TASP1: variants seen among roughly 807,000 people sequenced by gnomAD.
The protein encoded by TASP1 is taspase 1.
Under a neutral mutation model 56.6 loss-of-function variants are expected in TASP1, and 16 were observed. The ratio of observed to expected loss-of-function variants is 0.28; its 90% CI spans 0.19 to 0.43. The LOEUF is 0.43. Ranked by LOEUF, TASP1 falls within the 20% of genes least tolerant of loss-of-function variation. TASP1 has a pLI of 1.00. For synonymous variants in TASP1, 179 were observed against 184.2 expected (o/e 0.97, Z 0.23); for missense variants, 393 against 511.6 (o/e 0.77, Z 2.24).
the TASP1 span, among the ~76,000 whole-genome samples, chr20:13,190,791 G>A: frequency 6.6e-6 from 1 of 152,100 alleles, no homozygotes; most frequent in Non-Finnish European, 1.5e-5. Context: ...ACAGGGTGAA[G>A]CTACAACCTA....
At chr20:13,306,564 C>CAAAAAAAAAAAAAAAAAAAAAAAAAAAAA in the TASP1 span, among the ~76,000 whole-genome samples, 9 of 63,906 alleles carry the variant, frequency 1.4e-4, no homozygotes, top group East Asian at 5.3e-4. Flanking sequence ...GGAGAAAGGA[C>CAAAAAAAAAAAAAAAAAAAAAAAAAAAAA]AAAAAAAAAA....
rs2041372413 is a variant in TASP1, at chr20:13,393,477, C to A, written c.1171-3025G>T. On this transcript the variant is annotated intron_variant, in intron 13 of 13. Coordinates refer to ENST00000337743, the MANE Select transcript of TASP1 (RefSeq NM_017714.3). ...GGTGGTGAAGCAGGTGTCAGAGGGC[C>A]CCCTCAAGGGCATCCTGGACTACAC... 7.6e-6 allele frequency: 6 copies of A among 792,452 alleles called. No individual in the cohort carries two copies. The East Asian group carries it at 1.5e-4, about 20-fold the overall frequency. 49.1% of individuals were successfully genotyped at this position (792,452 alleles called of 1,614,324 possible). A position where few individuals can be genotyped will look rare whatever the true frequency, so the allele number is the denominator to read the frequency against.
At chr20:13,250,304 A>G in the TASP1 span, among the ~76,000 whole-genome samples, 1 of 152,214 alleles carries the variant, frequency 6.6e-6, no homozygotes, top group Admixed American at 6.5e-5. Context: ...GCTTTCAAGG[A>G]TGTGGCTGGG....
At chr20:13,634,251 T>C (rs1406755380) in intron 1 of TASP1, among the ~76,000 whole-genome samples, 1 of 152,078 alleles carries the variant, frequency 6.6e-6, no homozygotes, top group African/African-American at 2.4e-5. Flanking sequence ...TTAAAGAATA[T>C]TGAAACAATG....
intron 4 of TASP1, among the ~76,000 whole-genome samples, chr20:13,616,017 G>C (rs1639890153): frequency 6.6e-6 from 1 of 151,986 alleles, no homozygotes; most frequent in Non-Finnish European, 1.5e-5. Flanking sequence ...AAAAACAGTA[G>C]ATGTTAAGGT....
the TASP1 span, among the ~76,000 whole-genome samples, chr20:13,161,114 A>G: frequency 1.3e-5 from 2 of 152,238 alleles, no homozygotes; most frequent in Admixed American, 1.3e-4. Context: ...TCCATGAACA[A>G]ATATTACAAA....
intron 4 of TASP1, among the ~76,000 whole-genome samples, chr20:13,603,921 C>T (rs1334538567): frequency 1.3e-5 from 2 of 152,150 alleles, no homozygotes; most frequent in Admixed American, 1.3e-4. Context: ...TCTGGTCACC[C>T]TCAATATTTA....
intron 10 of TASP1, among the ~76,000 whole-genome samples, chr20:13,525,179 T>C (rs1222034863): frequency 1.3e-5 from 2 of 152,142 alleles, no homozygotes; most frequent in Non-Finnish European, 1.5e-5. Context: ...ATACAGTAAG[T>C]ATTGAGCCCC....
At chr20:13,321,651 C>T in the TASP1 span, among the ~76,000 whole-genome samples, 2 of 152,334 alleles carry the variant, frequency 1.3e-5, no homozygotes, top group African/African-American at 4.8e-5. Flanking sequence ...CTGGCACACA[C>T]AGTGAGCTCT....
chr20:13,105,195 G>C, the TASP1 span, among the ~76,000 whole-genome samples: 1 of 152,066 alleles, frequency 6.6e-6, no homozygotes, highest in African/African-American at 2.4e-5. Context: ...AATCCAGGCC[G>C]AGCGCAGTCT....
chr20:13,598,243 G>T (rs940324825), intron 4 of TASP1, among the ~76,000 whole-genome samples: 2 of 152,138 alleles, frequency 1.3e-5, no homozygotes, highest in Non-Finnish European at 2.9e-5. Flanking sequence ...TAAGCAAAAA[G>T]AACAAAGCTG....
At chr20:13,440,060 G>A (rs2043161861) in intron 11 of TASP1, among the ~76,000 whole-genome samples, 1 of 152,130 alleles carries the variant, frequency 6.6e-6, no homozygotes, top group Non-Finnish European at 1.5e-5. Flanking sequence ...AGATCACATG[G>A]AAAGCAATGG....
the TASP1 span, among the ~76,000 whole-genome samples, chr20:13,271,075 C>T: frequency 6.6e-6 from 1 of 152,030 alleles, no homozygotes; most frequent in Admixed American, 6.5e-5. Flanking sequence ...AATATAAAAA[C>T]AAAACAAAAC....
chr20:13,600,324 A>T (rs1247269639), intron 4 of TASP1, among the ~76,000 whole-genome samples: 1 of 152,198 alleles, frequency 6.6e-6, no homozygotes. Flanking sequence ...CTTGAAAAGA[A>T]ATTTAGGGAC....
the TASP1 span, among the ~76,000 whole-genome samples, chr20:13,147,402 C>T: frequency 7.2e-5 from 11 of 152,116 alleles, no homozygotes; most frequent in Non-Finnish European, 1.5e-4. Flanking sequence ...CTCTCTGCCC[C>T]TGAGTGTGTT....
the TASP1 span, chr20:13,159,889 AAAAG>A: frequency 2.2e-6 from 3 of 1,344,036 alleles, no homozygotes; most frequent in African/African-American, 4.5e-5. Context: ...ATTATCATAA[AAAAG>A]AAAAAAGAAA....
chr20:13,288,108 C>G, the TASP1 span, among the ~76,000 whole-genome samples: 1 of 152,198 alleles, frequency 6.6e-6, no homozygotes, highest in South Asian at 2.1e-4. Context: ...AAGTCAGAAG[C>G]TGCCAGGCCT....
chr20:13,226,005 CTCAG>C, the TASP1 span, among the ~76,000 whole-genome samples: 2 of 152,140 alleles, frequency 1.3e-5, no homozygotes, highest in Non-Finnish European at 2.9e-5. Context: ...TCCACTAAAT[CTCAG>C]TCAGTTTTAG....
chr20:13,490,385 C>T (rs1325201639), intron 10 of TASP1, among the ~76,000 whole-genome samples: 1 of 152,116 alleles, frequency 6.6e-6, no homozygotes, highest in Non-Finnish European at 1.5e-5. Flanking sequence ...ACCTTTAAAT[C>T]ATCTGTTTTT....
Sources: allele counts gnomAD v4.1 joint callset (sites outside exome capture counted in the v4.1 genomes callset), GRCh38; gene constraint gnomAD v4.1.1; transcripts MANE v1.5; gene names NCBI Gene and HGNC (gene_info 2026-07-23, HGNC 2026-07-21).